Variants in SEMA3F observed in about 807,000 individuals in gnomAD.
The protein encoded by SEMA3F is semaphorin 3F, also known as semaphorin-3F.
A neutral mutation model predicts 98.5 loss-of-function variants in SEMA3F; 30 were observed. The observed-to-expected ratio is 0.30, with a 90% CI of 0.23 to 0.41. The LOEUF (loss-of-function observed/expected upper bound fraction) is 0.41. Ranked by LOEUF, SEMA3F falls within the 10% of genes least tolerant of loss-of-function variation. The probability of loss-of-function intolerance (pLI) is 1.00; values close to 1 mark genes in which losing one functional copy is unlikely to be tolerated. For missense variants in SEMA3F, 866 were observed against 1,119.3 expected (o/e 0.77, Z 3.23); for synonymous variants, 380 against 444.8 (o/e 0.85, Z 1.83).
intron 2 of SEMA3F, among the ~76,000 whole-genome samples, chr3:50,165,497 A>G (rs1698370979): frequency 6.6e-6 from 1 of 152,206 alleles, no homozygotes; most frequent in African/African-American, 2.4e-5. Flanking sequence ...ATGCTGCTCC[A>G]GCTCCTGCCG....
At chr3:50,162,791 G>C (rs1337064574) in intron 2 of SEMA3F, among the ~76,000 whole-genome samples, 2 of 152,210 alleles carry the variant, frequency 1.3e-5, no homozygotes, top group Non-Finnish European at 2.9e-5. Context: ...TGTTTGGTGG[G>C]GTAGAAGGAC....
chr3:50,175,134 C>G lies in SEMA3F; in HGVS notation c.495C>G (p.Arg165=), dbSNP rs563313079. 1.9e-5 allele frequency: 30 copies of G among 1,610,908 alleles called. No individual in the cohort carries two copies. The highest frequency in any genetic ancestry group is 1.7e-4 in the Middle Eastern group (1 of 6,054). Residue 165 remains arginine, a synonymous_variant, in exon 6 of 19, where the codon CGC becomes CGG. Transcript: ENST00000002829. ...PWTQTQAVRG[R]GSRATDGALR... ...CCCAGACTCAGGCGGTCAGAGGCCG[C>G]GGCAGCAGAGCCACGGATGGTGCCC...
chr3:50,185,680 C>G lies in SEMA3F; in HGVS notation c.1560C>G (p.Val520=). 28 of 1,614,182 alleles carry G rather than the reference C, an allele frequency of 1.7e-5. No homozygotes were observed. Among genetic ancestry groups the G allele is most frequent in the Non-Finnish European group, 2.4e-5 (28 of 1,180,026 alleles). Reference sequence around the variant, plus strand: ...TCTTTTTCTAGGATCCAGCACCCGTCAAGACCATGACCATCTCTTCTAAGA... The same window carrying G: ...TCTTTTTCTAGGATCCAGCACCCGTGAAGACCATGACCATCTCTTCTAAGA... ...EVEVFKDPAP[V]KTMTISSKRQ... is the part of the protein sequence containing the mutation. Residue 520 remains valine, a synonymous_variant, in exon 15 of 19, where the codon GTC becomes GTG. Coordinates refer to ENST00000002829, the MANE Select transcript of SEMA3F (RefSeq NM_004186.5).
chr3:50,172,448 G>A (rs901859164), intron 2 of SEMA3F, among the ~76,000 whole-genome samples: 1 of 152,094 alleles, frequency 6.6e-6, no homozygotes, highest in Non-Finnish European at 1.5e-5. Flanking sequence ...GGAGTCCTTT[G>A]TCTGTCATTG....
At position 50,166,623 on chromosome 3, in the gene SEMA3F, A is replaced by G. The variant is rs554694126; in HGVS notation, c.112+6889A>G. The stretch of plus-strand genomic sequence containing the variant: ...TCCATCAGAATGTTGGGGAGGGGCT[A>G]AGACTGTCTGGAACATCCCGGGAAT... On this transcript the variant is annotated intron_variant, in intron 2 of 18. Transcript: ENST00000002829. This position sits in a 1 kb window ranked among gnomAD's most constrained non-coding sequence, Gnocchi z 4.7. Among the ~76,000 whole-genome samples, 12 of 152,196 alleles carry G rather than the reference A, an allele frequency of 7.9e-5. No homozygotes were observed. The East Asian group carries it at 2.3e-3, about 29-fold the overall frequency.
At chr3:50,167,001 C>T (rs1698430091) in intron 2 of SEMA3F, among the ~76,000 whole-genome samples, 1 of 152,114 alleles carries the variant, frequency 6.6e-6, no homozygotes, top group African/African-American at 2.4e-5. Flanking sequence ...GCAGCCCTCC[C>T]CTTCAGAACA....
intron 12 of SEMA3F, 149 bp from the exon 13 acceptor site, chr3:50,184,443 G>A (rs984186313): frequency 9.2e-6 from 6 of 654,228 alleles, no homozygotes; most frequent in Non-Finnish European, 1.6e-5. Context: ...TAGAGGTCAG[G>A]TGCAGGGCAG....
upstream of SEMA3F, chr3:50,155,118 G>T (rs1240274993): frequency 2.4e-6 from 1 of 416,064 alleles, no homozygotes; most frequent in Non-Finnish European, 4.4e-6. The surrounding 1 kb of genome is among the most constrained non-coding windows in gnomAD (Gnocchi z 4.9). Context: ...GCGGCGGTCC[G>T]GAGAGCCCCG....
At chr3:50,159,365 T>C in intron 1 of SEMA3F, 1 of 453,088 alleles carries the variant, frequency 2.2e-6, no homozygotes, top group African/African-American at 2.0e-5. Context: ...CCCCATCAGT[T>C]CTGGTGACCC....
Position 50,174,361 on chromosome 3 carries a change from G to C in SEMA3F, c.456+11G>C. The C allele has an allele frequency of 6.2e-7, 1 of 1,608,166 alleles. No individual in the cohort carries two copies. The highest frequency in any genetic ancestry group is 8.5e-7 in the Non-Finnish European group (1 of 1,176,990). ...GGACGCCGCGCCCAGGTAAGCCCCA[G>C]CCACCCTGGCCCTGTGCTGCCCCCG... On this transcript the variant is annotated intron_variant, in intron 5 of 18. Coordinates refer to ENST00000002829, the MANE Select transcript of SEMA3F (RefSeq NM_004186.5).
intron 7 of SEMA3F, among the ~76,000 whole-genome samples, chr3:50,181,859 A>G (rs1022214579): frequency 3.9e-5 from 6 of 152,082 alleles, no homozygotes; most frequent in African/African-American, 1.4e-4. Context: ...CCCTCAAATG[A>G]TCCACCCACC....
In SEMA3F at chr3:50,155,521, C is replaced by T. The variant is rs895861996; in HGVS notation, c.-92C>T. ...CGGCCCAACGGGAGCCGCTCCGTGC[C>T]GCCGCCGCCGCCCGGGCGCCCAGGC... is the stretch of plus-strand genomic sequence containing the variant. On this transcript the variant is annotated 5_prime_UTR_variant, in exon 1 of 19. Transcript: ENST00000002829. This position sits in a 1 kb window ranked among gnomAD's most constrained non-coding sequence, Gnocchi z 4.9. 1 of 307,554 alleles carries T rather than the reference C, an allele frequency of 3.3e-6. No homozygotes were observed. The highest frequency in any genetic ancestry group is 5.2e-5 in the East Asian group (1 of 19,238). The allele number at this position is 307,554 out of a possible 1,614,324, so 19.1% of individuals were successfully genotyped here.
chr3:50,163,550 C>T (rs1174015249), intron 2 of SEMA3F, among the ~76,000 whole-genome samples: 1 of 152,236 alleles, frequency 6.6e-6, no homozygotes, highest in Non-Finnish European at 1.5e-5. Context: ...GGTCACAGCC[C>T]GTTGACTTCC....
Position 50,188,587 on chromosome 3 carries a change from G to T in SEMA3F, c.*472G>T, listed in dbSNP as rs1699329594. 1 of 152,596 alleles carries T rather than the reference G, an allele frequency of 6.6e-6. No individual in the cohort carries two copies. Among genetic ancestry groups the T allele is most frequent in the Non-Finnish European group, 1.5e-5 (1 of 68,096 alleles). 9.5% of individuals were successfully genotyped at this position (152,596 alleles called of 1,614,324 possible). On this transcript the variant is annotated 3_prime_UTR_variant, in exon 19 of 19. Coordinates refer to ENST00000002829, the MANE Select transcript of SEMA3F (RefSeq NM_004186.5). This position sits in a 1 kb window ranked among gnomAD's most constrained non-coding sequence, Gnocchi z 4.5. ...CCTCAAGAGCACACAGAGAAGGGAA[G>T]AAGGGGCCATCACAGGATGCCAGCC...
chr3:50,156,763 GGGGGCC>G lies in SEMA3F; in HGVS notation c.-49+1202_-49+1207del, dbSNP rs1208486035. Reference sequence around the variant, plus strand: ...GAGCCAGGCCCGGAAGTGGGGAGGTGGGGGCCGGAGAGAAAGCAGGGGCCAGAGAGA... The same window carrying G: ...GAGCCAGGCCCGGAAGTGGGGAGGTGGGAGAGAAAGCAGGGGCCAGAGAGA... On this transcript the variant is annotated intron_variant, in intron 1 of 18. Coordinates refer to ENST00000002829, the MANE Select transcript of SEMA3F (RefSeq NM_004186.5). This position sits in a 1 kb window ranked among gnomAD's most constrained non-coding sequence, Gnocchi z 4.5. 6.6e-6 allele frequency among the ~76,000 whole-genome samples: 1 copy of G among 152,204 alleles called. No individual in the cohort carries two copies. The highest frequency in any genetic ancestry group is 2.4e-5 in the African/African-American group (1 of 41,456).
chr3:50,188,300 C>T lies in SEMA3F; in HGVS notation c.*185C>T, dbSNP rs1042827610. On this transcript the variant is annotated 3_prime_UTR_variant, in exon 19 of 19. Coordinates refer to ENST00000002829, the MANE Select transcript of SEMA3F (RefSeq NM_004186.5). This position sits in a 1 kb window ranked among gnomAD's most constrained non-coding sequence, Gnocchi z 4.5. Reference sequence around the variant, plus strand: ...GTGGCAGCATCCTCCAAAACTTAGACCCATGCTGGTCAGAGACGGCAGAAA... The same window carrying T: ...GTGGCAGCATCCTCCAAAACTTAGATCCATGCTGGTCAGAGACGGCAGAAA... 9.6e-6 allele frequency: 2 copies of T among 207,388 alleles called. No individual in the cohort carries two copies. Among genetic ancestry groups the T allele is most frequent in the Non-Finnish European group, 1.8e-5 (2 of 109,304 alleles). The allele number at this position is 207,388 out of a possible 1,614,324, so 12.8% of individuals were successfully genotyped here.
At chr3:50,184,245 G>T (rs911984643) in intron 12 of SEMA3F, 3 of 333,760 alleles carry the variant, frequency 9.0e-6, no homozygotes, top group Non-Finnish European at 1.7e-5. Context: ...CTGCAGTCCA[G>T]CTGTGCAGGA....
intron 16 of SEMA3F, 66 bp downstream of exon 16, chr3:50,186,112 G>A: frequency 1.4e-5 from 21 of 1,524,840 alleles, no homozygotes; most frequent in Non-Finnish European, 1.9e-5. Context: ...GGGGATTGGG[G>A]GTGCATGTGA....
intron 7 of SEMA3F, among the ~76,000 whole-genome samples, chr3:50,179,371 G>A (rs1415812819): frequency 6.6e-6 from 1 of 150,906 alleles, no homozygotes; most frequent in African/African-American, 2.4e-5. Context: ...TATTTCCCAG[G>A]CTGGAGTGCA....
Sources: allele counts gnomAD v4.1 joint callset (sites outside exome capture counted in the v4.1 genomes callset), GRCh38; gene constraint gnomAD v4.1.1; non-coding constraint Gnocchi (gnomAD v3.1); transcripts MANE v1.5; gene names NCBI Gene and HGNC (gene_info 2026-07-23, HGNC 2026-07-21).